Variants in BMAL1 observed in about 807,000 individuals in gnomAD.
BMAL1 encodes the protein basic helix-loop-helix ARNT like 1.
At chr11:13,302,150 A>G in the BMAL1 span, among the ~76,000 whole-genome samples, 12 of 152,194 alleles carry the variant, frequency 7.9e-5, no homozygotes, top group Admixed American at 1.3e-4. Flanking sequence ...GTGAAGGGCC[A>G]CAGGAAGACA....
chr11:13,380,531 C>CT, the BMAL1 span: 1 of 152,208 alleles, frequency 6.6e-6, no homozygotes, highest in Non-Finnish European at 1.5e-5. Flanking sequence ...TATAAATCTT[C>CT]TGAGAGATAT....
chr11:13,291,979 C>A, the BMAL1 span, among the ~76,000 whole-genome samples: 1 of 152,306 alleles, frequency 6.6e-6, no homozygotes, highest in African/African-American at 2.4e-5. Flanking sequence ...TAACAGTTTC[C>A]ATGGAGACAT....
the BMAL1 span, among the ~76,000 whole-genome samples, chr11:13,280,619 T>C: frequency 4.6e-5 from 7 of 152,178 alleles, no homozygotes; most frequent in Non-Finnish European, 1.0e-4. Flanking sequence ...GGAAGTAAAA[T>C]ATCCTTTCTA....
chr11:13,380,665 T>C, the BMAL1 span: 1 of 154,906 alleles, frequency 6.5e-6, no homozygotes, highest in Admixed American at 6.4e-5. Context: ...GAGTATTCAC[T>C]AGCTAAACAG....
chr11:13,333,247 G>A, the BMAL1 span, among the ~76,000 whole-genome samples: 6 of 152,198 alleles, frequency 3.9e-5, no homozygotes, highest in Non-Finnish European at 8.8e-5. Flanking sequence ...GATTACAGGC[G>A]TGATCCACTG....
the BMAL1 span, among the ~76,000 whole-genome samples, chr11:13,374,747 C>T: frequency 6.6e-6 from 1 of 152,236 alleles, no homozygotes; most frequent in Non-Finnish European, 1.5e-5. Context: ...TCCCTCTCAC[C>T]CCCAGTTCAT....
chr11:13,366,150 A>G, the BMAL1 span, among the ~76,000 whole-genome samples: 4 of 152,256 alleles, frequency 2.6e-5, no homozygotes, highest in Admixed American at 1.3e-4. Context: ...GAAGCTTGGT[A>G]GGCAGAAGAC....
At chr11:13,371,231 A>T in the BMAL1 span, among the ~76,000 whole-genome samples, 29 of 152,076 alleles carry the variant, frequency 1.9e-4, no homozygotes, top group African/African-American at 6.5e-4. Flanking sequence ...TCCACATTTA[A>T]TGTGTCCCAA....
the BMAL1 span, among the ~76,000 whole-genome samples, chr11:13,373,180 C>T: frequency 6.6e-6 from 1 of 152,156 alleles, no homozygotes; most frequent in Non-Finnish European, 1.5e-5. Flanking sequence ...ATCCAACCTC[C>T]TTATTTTATG....
At chr11:13,322,851 A>G in the BMAL1 span, among the ~76,000 whole-genome samples, 3 of 132,712 alleles carry the variant, frequency 2.3e-5, no homozygotes, top group East Asian at 2.3e-4. Context: ...GTGCAGTGGC[A>G]TGATCCTAGC....
At chr11:13,335,342 GGTTTTGTCT>G in the BMAL1 span, among the ~76,000 whole-genome samples, 1 of 152,112 alleles carries the variant, frequency 6.6e-6, no homozygotes, top group Admixed American at 6.5e-5. Flanking sequence ...TCTGCTGTTG[GGTTTTGTCT>G]GTTGTTTTGG....
chr11:13,354,949 A>G, the BMAL1 span: 1 of 272,424 alleles, frequency 3.7e-6, no homozygotes, highest in South Asian at 7.2e-5. Flanking sequence ...TTAAATTAGT[A>G]TGAACTTGTT....
chr11:13,358,782 A>G, the BMAL1 span, among the ~76,000 whole-genome samples: 1 of 152,234 alleles, frequency 6.6e-6, no homozygotes, highest in South Asian at 2.1e-4. Flanking sequence ...GGGTTTTGAC[A>G]TGCAATTTTG....
At chr11:13,363,505 G>A in the BMAL1 span, among the ~76,000 whole-genome samples, 1 of 152,092 alleles carries the variant, frequency 6.6e-6, no homozygotes, top group African/African-American at 2.4e-5. Flanking sequence ...CCAGTTCCAG[G>A]GACTTGCTTC....
At chr11:13,310,681 T>C in the BMAL1 span, among the ~76,000 whole-genome samples, 1 of 152,212 alleles carries the variant, frequency 6.6e-6, no homozygotes, top group Non-Finnish European at 1.5e-5. Context: ...CCAGTAAAAC[T>C]TTATTTACAG....
the BMAL1 span, chr11:13,354,386 C>T: frequency 6.2e-7 from 1 of 1,614,214 alleles, no homozygotes; most frequent in Non-Finnish European, 8.5e-7. Context: ...TGCTTTCCAG[C>T]TCTCTTGGTA....
the BMAL1 span, chr11:13,366,769 C>T: frequency 6.2e-7 from 1 of 1,613,400 alleles, no homozygotes; most frequent in Non-Finnish European, 8.5e-7. Flanking sequence ...GGGAGCGGCT[C>T]ATAGATGCAA....
At chr11:13,308,399 T>C in the BMAL1 span, among the ~76,000 whole-genome samples, 2,618 of 152,220 alleles carry the variant, frequency 0.017, 73 homozygotes, top group African/African-American at 0.057. Flanking sequence ...ATCTGAGCAT[T>C]GTTAGCATGG....
At chr11:13,324,165 C>G in the BMAL1 span, among the ~76,000 whole-genome samples, 1 of 152,208 alleles carries the variant, frequency 6.6e-6, no homozygotes, top group African/African-American at 2.4e-5. Flanking sequence ...CCTCCACTGT[C>G]TTTCAGCAGG....
Sources: gnomAD v4.1 joint callset for allele counts (sites outside exome capture counted in the v4.1 genomes callset) on GRCh38, gnomAD v4.1.1 for gene constraint, MANE v1.5 for transcripts, NCBI Gene and HGNC (gene_info 2026-07-23, HGNC 2026-07-21) for gene names.